Variants in SLC25A20 observed in about 807,000 individuals in gnomAD.
SLC25A20 encodes mitochondrial carnitine/acylcarnitine carrier protein.
A neutral mutation model predicts 39.7 loss-of-function variants in SLC25A20; 29 were observed. The observed-to-expected ratio is 0.73, with a 90% CI of 0.54 to 1.00. The LOEUF is 1.00. Among genes scored for constraint, SLC25A20 ranks in the 50% least tolerant of loss-of-function variants. The pLI is 0.00. For missense variants in SLC25A20, 333 were observed against 379.9 expected (o/e 0.88, Z 1.03); for synonymous variants, 103 against 142.2 (o/e 0.72, Z 1.96).
In SLC25A20 at chr3:48,859,537, A is replaced by G. The variant is rs770212772; in HGVS notation, c.608+18T>C. ...CCCATGACTGGGGAAAGTGGCTTCCAAGTTATGTTTTCCTCACCTCTTTCC... is the reference window on the plus strand; with the variant it reads ...CCCATGACTGGGGAAAGTGGCTTCCGAGTTATGTTTTCCTCACCTCTTTCC... On this transcript the variant is annotated intron_variant, in intron 6 of 8. Transcript: ENST00000319017. 6.2e-7 allele frequency: 1 copy of G among 1,610,066 alleles called. No individual in the cohort carries two copies. The highest frequency in any genetic ancestry group is 1.7e-5 in the Admixed American group (1 of 60,022).
intron 4 of SLC25A20, among the ~76,000 whole-genome samples, chr3:48,875,349 C>A (rs1358119593): frequency 6.6e-6 from 1 of 152,088 alleles, no homozygotes; most frequent in Non-Finnish European, 1.5e-5. Flanking sequence ...GATCCACCCC[C>A]TCGGCCTCCT....
chr3:48,858,415 C>T lies in SLC25A20; in HGVS notation c.843+92G>A, dbSNP rs2083597152. 11 of 1,572,978 alleles carry T rather than the reference C, an allele frequency of 7.0e-6. No homozygotes were observed. In the South Asian group the frequency reaches 1.1e-4, roughly 16 times the overall value. On this transcript the variant is annotated intron_variant, in intron 8 of 8. Coordinates refer to ENST00000319017, the MANE Select transcript of SLC25A20 (RefSeq NM_000387.6). ...AGATAGGGCTTTGGGAAAACTGAGACCCCAGTCCTATCCCAGGAACAAGCA... is the reference window on the plus strand; with the variant it reads ...AGATAGGGCTTTGGGAAAACTGAGATCCCAGTCCTATCCCAGGAACAAGCA...
rs1559673766 is a variant in SLC25A20, at chr3:48,897,369, T to TA, written c.105+1320_105+1321insT. On this transcript the variant is annotated intron_variant, in intron 1 of 8. Transcript: ENST00000319017. Reference sequence around the variant, plus strand: ...TGAATATATATATATATATATATATTTTTTTTTTTTTTTTTTTTAAGGGCG... The same window carrying TA: ...TGAATATATATATATATATATATATTATTTTTTTTTTTTTTTTTTAAGGGCG... Among the ~76,000 whole-genome samples the TA allele has an allele frequency of 6.6e-3, 612 of 93,162 alleles. 5 individuals carry two copies. Among genetic ancestry groups the TA allele is most frequent in the African/African-American group, 0.023 (403 of 17,874 alleles). 61.1% of individuals were successfully genotyped at this position (93,162 alleles called of 152,430 possible).
chr3:48,865,054 T>C (rs1188678202), intron 4 of SLC25A20, among the ~76,000 whole-genome samples: 2 of 152,134 alleles, frequency 1.3e-5, no homozygotes, highest in African/African-American at 4.8e-5. Flanking sequence ...CATGATGACT[T>C]TGAGGCACCT....
chr3:48,866,888 G>A (rs1198480480), intron 4 of SLC25A20, among the ~76,000 whole-genome samples: 4 of 151,998 alleles, frequency 2.6e-5, no homozygotes, highest in Non-Finnish European at 2.9e-5. Context: ...CTGCCTCCCA[G>A]GTTCAAGCAA....
rs1481659452 is a variant in SLC25A20, at chr3:48,859,556, TC to T, written c.606del (p.Arg203GlyfsTer51). On this transcript the variant is annotated frameshift_variant and splice_region_variant, in exon 6 of 9. Coordinates refer to ENST00000319017, the MANE Select transcript of SLC25A20 (RefSeq NM_000387.6). LOFTEE classifies it high-confidence loss of function. ...WLKNIFTPEGKRVSELSAPRI... is the reference protein window; with the variant it reads ...WLKNIFTPEGXRVSELSAPRI... Reference sequence around the variant, plus strand: ...GCTTCCAAGTTATGTTTTCCTCACCTCTTTCCCTCCGGAGTGAAGATATTTT... The same window carrying T: ...GCTTCCAAGTTATGTTTTCCTCACCTTTTCCCTCCGGAGTGAAGATATTTT... 1.2e-6 allele frequency: 2 copies of T among 1,613,338 alleles called. No homozygotes were observed. Among genetic ancestry groups the T allele is most frequent in the South Asian group, 2.2e-5 (2 of 91,070 alleles).
Position 48,857,524 on chromosome 3 carries a change from T to C in SLC25A20, c.*186A>G. The C allele has an allele frequency of 3.2e-6, 2 of 617,646 alleles. No individual in the cohort carries two copies. The highest frequency in any genetic ancestry group is 5.9e-6 in the Non-Finnish European group (2 of 338,672). The allele number at this position is 617,646 out of a possible 1,614,324, so 38.3% of individuals were successfully genotyped here. ...ATAAGAATGAATTCAAGTTTCAAAA[T>C]GACACACTAAGTTATACACGGTGCA... is the stretch of plus-strand genomic sequence containing the variant. On this transcript the variant is annotated 3_prime_UTR_variant, in exon 9 of 9. Transcript: ENST00000319017.
chr3:48,882,861 C>A (rs142250605), intron 3 of SLC25A20, among the ~76,000 whole-genome samples: 345 of 152,082 alleles, frequency 2.3e-3, no homozygotes, highest in Non-Finnish European at 3.5e-3. Context: ...TGCATTCCAG[C>A]CTGGGTGACA....
chr3:48,857,964 ACTT>A (rs2083593126), intron 8 of SLC25A20, among the ~76,000 whole-genome samples, 192 bp from the exon 9 acceptor site: 1 of 143,074 alleles, frequency 7.0e-6, no homozygotes, highest in African/African-American at 2.6e-5. Flanking sequence ...ACAACTGCCC[ACTT>A]CTTTTTTTTT....
At chr3:48,879,303 C>T in intron 4 of SLC25A20, 55 bp downstream of exon 4, 2 of 1,307,780 alleles carry the variant, frequency 1.5e-6, no homozygotes, top group Non-Finnish European at 2.2e-6. Flanking sequence ...TAAACATGCA[C>T]ACGAAATTAT....
intron 4 of SLC25A20, among the ~76,000 whole-genome samples, chr3:48,868,429 A>T (rs1467870233): frequency 6.6e-6 from 1 of 152,138 alleles, no homozygotes; most frequent in East Asian, 1.9e-4. Context: ...GGGAAGATGG[A>T]GTAGATGTAC....
At chr3:48,862,480 T>C (rs548997707) in intron 5 of SLC25A20, 62 bp downstream of exon 5, 2 of 1,007,546 alleles carry the variant, frequency 2.0e-6, no homozygotes, top group East Asian at 4.7e-5. Context: ...CAAGACCTTC[T>C]GCAGCAGACC....
intron 4 of SLC25A20, among the ~76,000 whole-genome samples, chr3:48,867,139 G>A (rs1445389594): frequency 6.6e-6 from 1 of 151,572 alleles, no homozygotes; most frequent in Non-Finnish European, 1.5e-5. Flanking sequence ...ATGGGGTTTT[G>A]CCATGTTGCC....
chr3:48,887,473 T>C (rs1036490054), intron 2 of SLC25A20, among the ~76,000 whole-genome samples: 7 of 152,172 alleles, frequency 4.6e-5, no homozygotes, highest in Non-Finnish European at 7.4e-5. Context: ...TAACGTCTAA[T>C]GACCAAGAGG....
chr3:48,863,358 T>C (rs1381498662), intron 4 of SLC25A20, among the ~76,000 whole-genome samples: 1 of 152,028 alleles, frequency 6.6e-6, no homozygotes, highest in Non-Finnish European at 1.5e-5. Flanking sequence ...TGAGAGTTGG[T>C]TAAGAAAAGG....
At chr3:48,859,757 T>G (rs1404737374) in intron 5 of SLC25A20, 130 bp from the exon 6 acceptor site, 1 of 726,340 alleles carries the variant, frequency 1.4e-6, no homozygotes, top group Non-Finnish European at 2.4e-6. Context: ...AGGTCCGCGC[T>G]TGGCCTGAAT....
intron 8 of SLC25A20, 45 bp downstream of exon 8, chr3:48,858,462 T>C: frequency 1.2e-6 from 2 of 1,613,588 alleles, no homozygotes; most frequent in Non-Finnish European, 8.5e-7. Context: ...ACATGCACCC[T>C]GCCCTGAGCC....
intron 4 of SLC25A20, among the ~76,000 whole-genome samples, chr3:48,875,029 T>A (rs2083744492): frequency 7.4e-6 from 1 of 135,232 alleles, no homozygotes; most frequent in Non-Finnish European, 1.5e-5. Flanking sequence ...GCCACTGCAC[T>A]CCAGCCTGGG....
intron 1 of SLC25A20, among the ~76,000 whole-genome samples, chr3:48,893,811 T>G (rs1172072408): frequency 7.5e-6 from 1 of 133,228 alleles, no homozygotes; most frequent in Non-Finnish European, 1.5e-5. Flanking sequence ...ATTACAGATA[T>G]GAGCCACCAT....
Sources: allele counts gnomAD v4.1 joint callset (sites outside exome capture counted in the v4.1 genomes callset), GRCh38; gene constraint gnomAD v4.1.1; transcripts MANE v1.5; gene names NCBI Gene and HGNC (gene_info 2026-07-23, HGNC 2026-07-21).